The following AP3B1 variants were observed in gnomAD, a reference collection of about 807,000 sequenced individuals.
The protein encoded by AP3B1 is AP-3 complex subunit beta-1.
A neutral mutation model predicts 132.5 loss-of-function variants in AP3B1; 61 were observed. The ratio of observed to expected loss-of-function variants is 0.46; its 90% confidence interval spans 0.37 to 0.57. AP3B1 has a LOEUF of 0.57. Among genes scored for constraint, AP3B1 ranks in the 20% least tolerant of loss-of-function variants. The pLI is 0.00. For synonymous variants in AP3B1, 388 were observed against 438.3 expected (o/e 0.89, Z 1.43); for missense variants, 1,120 against 1,289.4 (o/e 0.87, Z 2.01).
Position 78,089,392 on chromosome 5 carries a change from C to T in AP3B1, c.2577+1G>A. 1 of 1,599,168 alleles carries T rather than the reference C, an allele frequency of 6.3e-7. No homozygotes were observed. Among genetic ancestry groups the T allele is most frequent in the Non-Finnish European group, 8.6e-7 (1 of 1,166,616 alleles). ...GCTGGTGGATTTTAAAAATAACTTA[C>T]ACTGATGACTGAAGAGGAAGTTGAC... On this transcript the variant is annotated splice_donor_variant, in intron 22 of 26. Transcript: ENST00000255194. LOFTEE classifies it high-confidence loss of function.
intron 1 of AP3B1, among the ~76,000 whole-genome samples, chr5:78,286,663 C>T (rs1176082542): frequency 6.6e-6 from 1 of 152,174 alleles, no homozygotes; most frequent in African/African-American, 2.4e-5. Flanking sequence ...TGAGACAGGG[C>T]CTTATTCATT....
chr5:78,182,660 A>C (rs1744419981), intron 7 of AP3B1, among the ~76,000 whole-genome samples: 1 of 152,306 alleles, frequency 6.6e-6, no homozygotes, highest in East Asian at 1.9e-4. Context: ...GGACCAGGAA[A>C]GGGGCAGTCT....
intron 3 of AP3B1, among the ~76,000 whole-genome samples, chr5:78,240,160 G>C (rs1442669706): frequency 6.6e-6 from 1 of 152,136 alleles, no homozygotes; most frequent in African/African-American, 2.4e-5. Context: ...ATTTGTTAAT[G>C]AGCTTCATCA....
At chr5:78,279,001 G>A (rs940945575) in intron 1 of AP3B1, among the ~76,000 whole-genome samples, 2 of 152,046 alleles carry the variant, frequency 1.3e-5, no homozygotes, top group South Asian at 2.1e-4. Flanking sequence ...CTGGTTTGGC[G>A]ATTGCTGGTT....
chr5:78,118,444 C>A (rs567623397), intron 17 of AP3B1, among the ~76,000 whole-genome samples: 139 of 152,294 alleles, frequency 9.1e-4, no homozygotes, highest in Middle Eastern at 6.8e-3. Flanking sequence ...GGGTGACAGA[C>A]GGCACCTGGA....
chr5:78,027,524 G>T (rs1423614505), intron 24 of AP3B1, among the ~76,000 whole-genome samples: 1 of 151,736 alleles, frequency 6.6e-6, no homozygotes, highest in African/African-American at 2.4e-5. Context: ...GACTTTTCTT[G>T]TGCATTTTTT....
chr5:78,261,676 G>C (rs1748098764), intron 2 of AP3B1, among the ~76,000 whole-genome samples: 1 of 151,784 alleles, frequency 6.6e-6, no homozygotes, highest in Admixed American at 6.6e-5. Context: ...GTGTTGACCA[G>C]GCTGGTCTCG....
intron 13 of AP3B1, among the ~76,000 whole-genome samples, chr5:78,156,999 C>T (rs1743175806): frequency 1.3e-5 from 2 of 152,090 alleles, no homozygotes; most frequent in East Asian, 1.9e-4. Flanking sequence ...CTAAGAGGCC[C>T]ACCTGTAGTC....
At chr5:78,269,898 TTTA>T (rs1748478234) in intron 1 of AP3B1, among the ~76,000 whole-genome samples, 1 of 152,038 alleles carries the variant, frequency 6.6e-6, no homozygotes, top group Non-Finnish European at 1.5e-5. Context: ...TTTCTTTAAT[TTTA>T]TTATGTTTTT....
intron 14 of AP3B1, among the ~76,000 whole-genome samples, chr5:78,147,515 CTTA>C (rs1330057661): frequency 3.9e-5 from 6 of 151,930 alleles, no homozygotes; most frequent in Non-Finnish European, 5.9e-5. Flanking sequence ...CTTTTAAATA[CTTA>C]TTATTTATTT....
In AP3B1 at chr5:78,259,333, T is replaced by C. The variant is rs116647676; in HGVS notation, c.204+8187A>G. Reference sequence around the variant, plus strand: ...CTAAAAATCAAAACAACTGAACTTATGGACATAGAGAGTAGAAGGATGGTT... The same window carrying C: ...CTAAAAATCAAAACAACTGAACTTACGGACATAGAGAGTAGAAGGATGGTT... On this transcript the variant is annotated intron_variant, in intron 2 of 26. Transcript: ENST00000255194. Among the ~76,000 whole-genome samples, 1,104 of 151,950 alleles carry C rather than the reference T, an allele frequency of 7.3e-3. 7 individuals carry two copies. The highest frequency in any genetic ancestry group is 0.012 in the Non-Finnish European group (822 of 67,992).
At chr5:78,069,652 A>G (rs1438067485) in intron 22 of AP3B1, among the ~76,000 whole-genome samples, 1 of 152,240 alleles carries the variant, frequency 6.6e-6, no homozygotes, top group East Asian at 1.9e-4. Flanking sequence ...GGAAGAATCA[A>G]TATCATGAAA....
intron 11 of AP3B1, 95 bp from the exon 12 acceptor site, chr5:78,165,767 CTT>C: frequency 1.1e-6 from 1 of 942,200 alleles, no homozygotes; most frequent in Non-Finnish European, 1.7e-6. Flanking sequence ...TTTATTTCTA[CTT>C]TTAAAAATCA....
At chr5:78,096,859 GCCAGCCGCCCCGTCCGGGAGGGAGGTA>G (rs1750831153) in intron 21 of AP3B1, among the ~76,000 whole-genome samples, 2 of 147,122 alleles carry the variant, frequency 1.4e-5, no homozygotes, top group African/African-American at 2.5e-5. Context: ...CCCCCGCCAG[GCCAGCCGCCCCGTCCGGGAGGGAGGTA>G]GGGGGTCAGC....
chr5:78,081,218 C>T (rs1749985306), intron 22 of AP3B1, among the ~76,000 whole-genome samples: 1 of 151,126 alleles, frequency 6.6e-6, no homozygotes, highest in Non-Finnish European at 1.5e-5. Context: ...TTCTTCAGCA[C>T]AGAATACGAC....
At chr5:78,288,576 G>A (rs1323496805) in intron 1 of AP3B1, among the ~76,000 whole-genome samples, 3 of 152,220 alleles carry the variant, frequency 2.0e-5, no homozygotes, top group Admixed American at 1.3e-4. Flanking sequence ...GGAGATACCA[G>A]ATGAGGGTTT....
At chr5:78,092,677 T>C (rs1274843251) in intron 21 of AP3B1, among the ~76,000 whole-genome samples, 4 of 152,092 alleles carry the variant, frequency 2.6e-5, no homozygotes, top group Non-Finnish European at 5.9e-5. Flanking sequence ...TTTTGAGGAG[T>C]TTCTCTGTCA....
intron 11 of AP3B1, among the ~76,000 whole-genome samples, chr5:78,171,151 T>C (rs150364541): frequency 2.9e-3 from 444 of 152,336 alleles, no homozygotes; most frequent in African/African-American, 9.9e-3. Context: ...GTAGTATAGT[T>C]TGAAGTCAGG....
chr5:78,175,895 T>A, intron 9 of AP3B1, 57 bp from the exon 10 acceptor site: 1 of 1,244,590 alleles, frequency 8.0e-7, no homozygotes, highest in Non-Finnish European at 1.2e-6. Flanking sequence ...CATCTTTGAG[T>A]AAGCACTACA....
Sources: gnomAD v4.1 joint callset for allele counts (sites outside exome capture counted in the v4.1 genomes callset) on GRCh38, gnomAD v4.1.1 for gene constraint, MANE v1.5 for transcripts, NCBI Gene and HGNC (gene_info 2026-07-23, HGNC 2026-07-21) for gene names.